GABRB3: variants seen among roughly 807,000 people sequenced by gnomAD.
The protein encoded by GABRB3 is gamma-aminobutyric acid type A receptor subunit beta3, also known as gamma-aminobutyric acid receptor subunit beta-3.
A neutral mutation model predicts 52.1 loss-of-function variants in GABRB3; 14 were observed. The observed-to-expected ratio is 0.27, with a 90% CI of 0.18 to 0.42. The LOEUF is 0.42. Among genes scored for constraint, GABRB3 ranks in the 10% least tolerant of loss-of-function variants. The probability of loss-of-function intolerance (pLI) is 1.00; values close to 1 mark genes in which losing one functional copy is unlikely to be tolerated. For synonymous variants in GABRB3, 260 were observed against 232.3 expected, an observed-to-expected ratio of 1.12 and a Z score of -1.08; for missense variants, 307 against 609.1, an observed-to-expected ratio of 0.50 and a Z score of 5.22.
intron 3 of GABRB3, among the ~76,000 whole-genome samples, chr15:26,687,517 C>G (rs1220725106): frequency 6.6e-6 from 1 of 152,102 alleles, no homozygotes; most frequent in Non-Finnish European, 1.5e-5. Context: ...GCCTACCTCT[C>G]CCATCCCCTC....
intron 3 of GABRB3, chr15:26,629,120 A>C: frequency 6.5e-7 from 1 of 1,528,510 alleles, no homozygotes; most frequent in Non-Finnish European, 8.8e-7. Flanking sequence ...TGCTCTTTAC[A>C]GGAGAGGCTG....
chr15:26,608,274 T>G (rs1169841537), intron 4 of GABRB3, among the ~76,000 whole-genome samples: 1 of 152,130 alleles, frequency 6.6e-6, no homozygotes, highest in Non-Finnish European at 1.5e-5. Flanking sequence ...AGAATGAAAT[T>G]GGACCCTTAT....
chr15:26,764,888 T>C (rs1212233873), intron 3 of GABRB3, among the ~76,000 whole-genome samples: 1 of 152,086 alleles, frequency 6.6e-6, no homozygotes, highest in Non-Finnish European at 1.5e-5. Flanking sequence ...CCCAGCACTT[T>C]GGGAGGCCGA....
intron 3 of GABRB3, among the ~76,000 whole-genome samples, chr15:26,728,765 T>C (rs950687180): frequency 3.9e-5 from 6 of 152,246 alleles, no homozygotes; most frequent in Non-Finnish European, 7.3e-5. Context: ...GTTACCTGTA[T>C]GTTATTTTCC....
intron 3 of GABRB3, among the ~76,000 whole-genome samples, chr15:26,716,204 T>A (rs1889460995): frequency 6.6e-6 from 1 of 152,202 alleles, no homozygotes; most frequent in South Asian, 2.1e-4. Context: ...AAAACAGCTC[T>A]CAGCAACTGA....
intron 3 of GABRB3, among the ~76,000 whole-genome samples, chr15:26,727,354 T>C (rs978971925): frequency 6.6e-6 from 1 of 152,184 alleles, no homozygotes; most frequent in Non-Finnish European, 1.5e-5. Context: ...CAGTGTGGAC[T>C]CATGGATAGT....
chr15:26,566,148 A>G (rs1048276193), intron 7 of GABRB3, among the ~76,000 whole-genome samples: 1 of 152,130 alleles, frequency 6.6e-6, no homozygotes, highest in Non-Finnish European at 1.5e-5. Context: ...TTTTTAGAGA[A>G]CTGTGCTTAT....
intron 4 of GABRB3, among the ~76,000 whole-genome samples, chr15:26,597,005 G>T (rs1024920609): frequency 6.6e-6 from 1 of 152,134 alleles, no homozygotes; most frequent in Non-Finnish European, 1.5e-5. Context: ...TCATGTGCTA[G>T]TTCAGATTTC....
At chr15:26,689,701 G>A (rs1269119444) in intron 3 of GABRB3, among the ~76,000 whole-genome samples, 2 of 152,008 alleles carry the variant, frequency 1.3e-5, no homozygotes, top group African/African-American at 4.8e-5. Context: ...CTCTGTGCTG[G>A]GTGGTCCCCA....
chr15:26,749,956 G>A (rs1362910852), intron 3 of GABRB3: 2 of 152,170 alleles, frequency 1.3e-5, no homozygotes, highest in African/African-American at 4.8e-5. Context: ...TTTATTTGTT[G>A]TGTTATGGCC....
intron 4 of GABRB3, chr15:26,612,194 T>C (rs1892095673): frequency 6.6e-6 from 1 of 152,104 alleles, no homozygotes; most frequent in Admixed American, 6.5e-5. Context: ...CAATGAAAAA[T>C]GTGCTGATAT....
rs575336447 is a variant in GABRB3 at position 26,704,515 on chromosome 15, T to C, written c.240+67887A>G. 2.0e-5 allele frequency among the ~76,000 whole-genome samples: 3 copies of C among 152,380 alleles called. No individual in the cohort carries two copies. The East Asian group carries it at 5.8e-4, about 29-fold the overall frequency. On this transcript the variant is annotated intron_variant, in intron 3 of 8. Coordinates refer to ENST00000311550, the MANE Select transcript of GABRB3 (RefSeq NM_000814.6). ...TCTCCTAAACACATTTTTTTAGTCT[T>C]TAAATGGCCAGGCTGAGAATTTTGC... is the stretch of plus-strand genomic sequence containing the variant.
intron 3 of GABRB3, among the ~76,000 whole-genome samples, chr15:26,674,970 T>C (rs1392565898): frequency 6.6e-6 from 1 of 151,732 alleles, no homozygotes; most frequent in African/African-American, 2.4e-5. Flanking sequence ...CCACAAGGAG[T>C]TAACCTTATA....
intron 3 of GABRB3, among the ~76,000 whole-genome samples, chr15:26,678,493 C>T (rs1266063924): frequency 6.6e-6 from 1 of 151,326 alleles, no homozygotes; most frequent in East Asian, 1.9e-4. Flanking sequence ...CATGAGAAAG[C>T]ACGAGAAAGA....
chr15:26,593,786 A>C (rs1482028903), intron 4 of GABRB3, among the ~76,000 whole-genome samples: 1 of 151,794 alleles, frequency 6.6e-6, no homozygotes, highest in Non-Finnish European at 1.5e-5. Flanking sequence ...CATTGGCGTA[A>C]AAATATCTGT....
intron 4 of GABRB3, among the ~76,000 whole-genome samples, chr15:26,592,898 C>T (rs1891257771): frequency 1.3e-5 from 2 of 152,092 alleles, no homozygotes; most frequent in Admixed American, 6.6e-5. Flanking sequence ...GCCTTTAGTC[C>T]CAGCTACTTG....
At chr15:26,716,700 C>T in intron 3 of GABRB3, 1 of 1,007,118 alleles carries the variant, frequency 9.9e-7, no homozygotes, top group South Asian at 4.0e-5. Flanking sequence ...TTTTTATCAC[C>T]AACTGCCTTT....
intron 3 of GABRB3, among the ~76,000 whole-genome samples, chr15:26,699,835 G>C (rs1375078798): frequency 6.6e-6 from 1 of 151,858 alleles, no homozygotes; most frequent in African/African-American, 2.4e-5. Flanking sequence ...AATATTGTGG[G>C]CTGCTTAAAT....
At chr15:26,690,106 A>ATTTTTTTTTTTTTTT (rs56143305) in intron 3 of GABRB3, among the ~76,000 whole-genome samples, 1 of 137,488 alleles carries the variant, frequency 7.3e-6, no homozygotes, top group Non-Finnish European at 1.5e-5. Flanking sequence ...AGGTACACGG[A>ATTTTTTTTTTTTTTT]TTTTTTTTTT....
Sources: allele counts gnomAD v4.1 joint callset (sites outside exome capture counted in the v4.1 genomes callset), GRCh38; gene constraint gnomAD v4.1.1; transcripts MANE v1.5; gene names NCBI Gene and HGNC (gene_info 2026-07-23, HGNC 2026-07-21).